The following NLK variants were observed in gnomAD, a reference collection of about 807,000 sequenced individuals.
NLK encodes the protein serine/threonine-protein kinase NLK.
Under a neutral mutation model 59.0 loss-of-function variants are expected in NLK, and 11 were observed. The ratio of observed to expected loss-of-function variants is 0.19; its 90% confidence interval spans 0.12 to 0.31. NLK has a LOEUF of 0.31. Among genes scored for constraint, NLK ranks in the 10% least tolerant of loss-of-function variants. The pLI, the probability that NLK is intolerant of heterozygous loss-of-function variation, is 1.00. For synonymous variants in NLK, 235 were observed against 235.9 expected (o/e 1.00, Z 0.03); for missense variants, 410 against 661.1 (o/e 0.62, Z 4.16).
chr17:28,061,383 T>G (rs1909629194), intron 1 of NLK, among the ~76,000 whole-genome samples: 1 of 152,228 alleles, frequency 6.6e-6, no homozygotes, highest in African/African-American at 2.4e-5. Context: ...GATTCAACAG[T>G]GCTAGTGACA....
intron 1 of NLK, among the ~76,000 whole-genome samples, chr17:28,073,022 AT>A (rs938435619): frequency 1.3e-3 from 180 of 143,130 alleles, no homozygotes; most frequent in African/African-American, 3.6e-3. Context: ...AGGGTATTAG[AT>A]TTTTTTTTTT....
chr17:28,169,721 C>CTTTTTTTTTTTT lies in NLK; in HGVS notation c.1047+1071_1047+1082dup, dbSNP rs1193124964. Reference sequence around the variant, plus strand: ...TCCTTTTTTTTTGCTGCTTCTTCTTCTTTTTTTTTTTTTTTTTTGGCCCCT... The same window carrying CTTTTTTTTTTTT: ...TCCTTTTTTTTTGCTGCTTCTTCTTCTTTTTTTTTTTTTTTTTTTTTTTTTTTTTTGGCCCCT... On this transcript the variant is annotated intron_variant, in intron 6 of 10. Transcript: ENST00000407008. Among the ~76,000 whole-genome samples, 63 of 111,606 alleles carry CTTTTTTTTTTTT rather than the reference C, an allele frequency of 5.6e-4. 1 individual carries two copies. Among genetic ancestry groups the CTTTTTTTTTTTT allele is most frequent in the African/African-American group, 2.1e-3 (61 of 29,238 alleles). The allele number at this position is 111,606 out of a possible 152,430, so 73.2% of individuals were successfully genotyped here. A position where few individuals can be genotyped will look rare whatever the true frequency, so the allele number is the denominator to read the frequency against.
intron 1 of NLK, among the ~76,000 whole-genome samples, chr17:28,090,486 T>TAATA (rs1398130495): frequency 6.6e-6 from 1 of 152,210 alleles, no homozygotes; most frequent in East Asian, 1.9e-4. Context: ...TGACTACTTA[T>TAATA]AGTGCAAGTC....
intron 1 of NLK, among the ~76,000 whole-genome samples, chr17:28,075,428 T>C (rs544222441): frequency 3.9e-5 from 6 of 152,346 alleles, no homozygotes; most frequent in Non-Finnish European, 7.3e-5. Context: ...CTGAAGCATG[T>C]GCAAATTATT....
chr17:28,111,904 T>TGTG (rs1905530568), intron 1 of NLK, among the ~76,000 whole-genome samples: 3 of 118,688 alleles, frequency 2.5e-5, no homozygotes, highest in South Asian at 2.6e-4. Context: ...GTGGTGTGTG[T>TGTG]GTGTGTGTGT....
At chr17:28,078,693 G>A (rs887995097) in intron 1 of NLK, among the ~76,000 whole-genome samples, 2 of 152,142 alleles carry the variant, frequency 1.3e-5, no homozygotes, top group Non-Finnish European at 2.9e-5. Flanking sequence ...GCCTAGTACA[G>A]TGCCAGACTC....
intron 1 of NLK, among the ~76,000 whole-genome samples, chr17:28,087,328 G>C (rs1387536815): frequency 2.6e-5 from 4 of 152,196 alleles, no homozygotes; most frequent in Admixed American, 1.3e-4. Flanking sequence ...AAATGAGTTA[G>C]AGCTATGTGT....
intron 3 of NLK, among the ~76,000 whole-genome samples, chr17:28,157,775 G>A (rs1482633474): frequency 2.6e-5 from 4 of 152,146 alleles, no homozygotes; most frequent in African/African-American, 7.2e-5. Context: ...TTCTGTTAAC[G>A]TCAATTTCTT....
intron 1 of NLK, among the ~76,000 whole-genome samples, chr17:28,084,793 A>C (rs535164194): frequency 3.3e-5 from 5 of 152,128 alleles, no homozygotes; most frequent in African/African-American, 1.2e-4. Context: ...TGAACTCCTA[A>C]CCTCATGATC....
intron 1 of NLK, among the ~76,000 whole-genome samples, chr17:28,095,014 T>A (rs1904650071): frequency 6.6e-6 from 1 of 152,208 alleles, no homozygotes; most frequent in Admixed American, 6.5e-5. Context: ...CCAGTTTTCA[T>A]GATATCTAAG....
chr17:28,060,695 C>G (rs985270667), intron 1 of NLK, among the ~76,000 whole-genome samples: 5 of 152,168 alleles, frequency 3.3e-5, no homozygotes, highest in African/African-American at 1.2e-4. Context: ...ATTTCACTTT[C>G]GTTAATAAAC....
intron 5 of NLK, among the ~76,000 whole-genome samples, chr17:28,168,116 GGA>G (rs1352101482): frequency 1.3e-5 from 2 of 151,474 alleles, no homozygotes; most frequent in East Asian, 3.9e-4. Context: ...CCTGAGGTCA[GGA>G]GTTTGAGACC....
chr17:28,053,624 T>G (rs908097710), intron 1 of NLK, among the ~76,000 whole-genome samples: 1 of 152,180 alleles, frequency 6.6e-6, no homozygotes, highest in Non-Finnish European at 1.5e-5. Flanking sequence ...ACAGAAACTT[T>G]TTGTTTATCC....
intron 4 of NLK, among the ~76,000 whole-genome samples, chr17:28,161,795 G>T (rs1266677043): frequency 6.6e-6 from 1 of 152,122 alleles, no homozygotes; most frequent in Non-Finnish European, 1.5e-5. Flanking sequence ...TCATTAAAGA[G>T]CACAGACTTG....
At chr17:28,103,145 A>G (rs1227983761) in intron 1 of NLK, among the ~76,000 whole-genome samples, 2 of 152,182 alleles carry the variant, frequency 1.3e-5, no homozygotes, top group African/African-American at 4.8e-5. Flanking sequence ...GGTGGAGTGG[A>G]GGGAAGTTTT....
chr17:28,158,315 T>C (rs1907867329), intron 3 of NLK, among the ~76,000 whole-genome samples: 1 of 152,136 alleles, frequency 6.6e-6, no homozygotes, highest in South Asian at 2.1e-4. Context: ...AAATATGATA[T>C]AAAAGATAAA....
chr17:28,050,522 C>T (rs751578824), intron 1 of NLK, among the ~76,000 whole-genome samples: 3 of 152,032 alleles, frequency 2.0e-5, no homozygotes, highest in Non-Finnish European at 4.4e-5. Context: ...AAAAAGGCTC[C>T]GTAGGCGGGC....
At chr17:28,183,893 G>A (rs1909013167) in intron 7 of NLK, among the ~76,000 whole-genome samples, 1 of 152,290 alleles carries the variant, frequency 6.6e-6, no homozygotes, top group East Asian at 1.9e-4. Context: ...AAGAAAAGGA[G>A]TCTCTAAACA....
At chr17:28,101,092 T>G (rs1341698250) in intron 1 of NLK, among the ~76,000 whole-genome samples, 1 of 152,166 alleles carries the variant, frequency 6.6e-6, no homozygotes, top group African/African-American at 2.4e-5. Context: ...ACTTGACATA[T>G]AAGCATAGGT....
Sources: allele counts gnomAD v4.1 joint callset (sites outside exome capture counted in the v4.1 genomes callset), GRCh38; gene constraint gnomAD v4.1.1; transcripts MANE v1.5; gene names NCBI Gene and HGNC (gene_info 2026-07-23, HGNC 2026-07-21).